The following GRID2IP variants were observed in gnomAD, a reference collection of about 807,000 sequenced individuals.
The protein encoded by GRID2IP is Grid2 interacting protein.
In GRID2IP, 78 loss-of-function variants were observed where a neutral mutation model predicts 114.3. That is an observed-to-expected ratio of 0.68 (90% CI 0.57 to 0.82). The LOEUF (loss-of-function observed/expected upper bound fraction) is 0.82, where lower values mean the gene tolerates loss of function less well. Ranked by LOEUF, GRID2IP falls within the 40% of genes least tolerant of loss-of-function variation. The probability of loss-of-function intolerance (pLI) is 0.00; values close to 1 mark genes in which losing one functional copy is unlikely to be tolerated. For missense variants in GRID2IP, 1,727 were observed against 1,678.5 expected (o/e 1.03, Z -0.51); for synonymous variants, 809 against 724.0 (o/e 1.12, Z -1.89).
Position 6,512,231 on chromosome 7 carries a change from C to CTTTTTTTTTTTT in GRID2IP, c.1424-1204_1424-1193dup, listed in dbSNP as rs1002835555. Among the ~76,000 whole-genome samples, 399 of 90,182 alleles carry CTTTTTTTTTTTT rather than the reference C, an allele frequency of 4.4e-3. 41 individuals carry two copies. The highest frequency in any genetic ancestry group is 8.2e-3 in the Middle Eastern group (1 of 122). The allele number at this position is 90,182 out of a possible 152,430, so 59.2% of individuals were successfully genotyped here. On this transcript the variant is annotated intron_variant, in intron 8 of 21. Coordinates refer to ENST00000457091, the MANE Select transcript of GRID2IP (RefSeq NM_001145118.2). Reference sequence around the variant, plus strand: ...CACACCTGCCTTTTTTTCTTTTCTTCTTTTTTTTTTTTTTTTTTGTGACAG... The same window carrying CTTTTTTTTTTTT: ...CACACCTGCCTTTTTTTCTTTTCTTCTTTTTTTTTTTTTTTTTTTTTTTTTTTTTTGTGACAG...
chr7:6,530,043 C>T (rs1346569053), intron 2 of GRID2IP, among the ~76,000 whole-genome samples: 1 of 151,776 alleles, frequency 6.6e-6, no homozygotes, highest in Non-Finnish European at 1.5e-5. Context: ...ACTGCAAGCT[C>T]CGCCTCCAGG....
chr7:6,497,712 TG>T lies in GRID2IP; in HGVS notation c.*61del. The T allele has an allele frequency of 7.7e-7, 1 of 1,293,064 alleles. No homozygotes were observed. Among genetic ancestry groups the T allele is most frequent in the South Asian group, 1.3e-5 (1 of 75,258 alleles). The allele number at this position is 1,293,064 out of a possible 1,614,324, so 80.1% of individuals were successfully genotyped here. Reference sequence around the variant, plus strand: ...AGTGGCCCCGGACCTCGGCAGTGTCTGGGCTGCCCTCTCGGCCTCCATCTCC... The same window carrying T: ...AGTGGCCCCGGACCTCGGCAGTGTCTGGCTGCCCTCTCGGCCTCCATCTCC... On this transcript the variant is annotated 3_prime_UTR_variant, in exon 22 of 22. Transcript: ENST00000457091.
In GRID2IP at chr7:6,526,420, C is replaced by A. The variant is rs1779511347; in HGVS notation, c.833+101G>T. On this transcript the variant is annotated intron_variant, in intron 3 of 21. Transcript: ENST00000457091. The surrounding 1 kb of genome is among the most constrained non-coding windows in gnomAD (Gnocchi z 7.6). ...TTAACCTCTCCGGCCCCCTATGCAC[C>A]CCAGATGCCCAGCCCCGCCCCTACG... 3 of 1,505,604 alleles carry A rather than the reference C, an allele frequency of 2.0e-6. No homozygotes were observed. Among genetic ancestry groups the A allele is most frequent in the Non-Finnish European group, 2.7e-6 (3 of 1,121,626 alleles). The allele number at this position is 1,505,604 out of a possible 1,614,324, so 93.3% of individuals were successfully genotyped here.
rs1417036869 is a variant in GRID2IP, at chr7:6,509,280, C to G, written c.1805G>C (p.Ser602Thr). Residue 602 changes from serine to threonine, a missense_variant, in exon 12 of 22, where the codon AGC becomes ACC. Ser to Thr is a moderately conservative substitution (Grantham distance 58). Transcript: ENST00000457091. This position sits in a 1 kb window ranked among gnomAD's most constrained non-coding sequence, Gnocchi z 4.9. ...PRTLSGVSWP[S>T]ERLLPSPCYH... ...GCAGGGGGAGGGCAAGAGTCGCTCG[C>G]TGGGCCATGAGACGCCGGACAGGGT... is the stretch of plus-strand genomic sequence containing the variant. 1 of 1,527,408 alleles carries G rather than the reference C, an allele frequency of 6.5e-7. No individual in the cohort carries two copies. Among genetic ancestry groups the G allele is most frequent in the Non-Finnish European group, 8.8e-7 (1 of 1,135,126 alleles). 94.6% of individuals were successfully genotyped at this position (1,527,408 alleles called of 1,614,324 possible).
At position 6,516,926 on chromosome 7, in the gene GRID2IP, C is replaced by A. The variant is rs987073102; in HGVS notation, c.1269-2397G>T. ...AGATGACTCTCACTCCATACCCTGC[C>A]CCTTTGCCTTGTACACAATAAATAA... On this transcript the variant is annotated intron_variant, in intron 7 of 21. Coordinates refer to ENST00000457091, the MANE Select transcript of GRID2IP (RefSeq NM_001145118.2). This position sits in a 1 kb window ranked among gnomAD's most constrained non-coding sequence, Gnocchi z 4.3. Among the ~76,000 whole-genome samples, 2 of 152,108 alleles carry A rather than the reference C, an allele frequency of 1.3e-5. No homozygotes were observed. Among genetic ancestry groups the A allele is most frequent in the African/African-American group, 4.8e-5 (2 of 41,422 alleles).
intron 8 of GRID2IP, among the ~76,000 whole-genome samples, chr7:6,512,519 T>A (rs1779196150): frequency 1.3e-5 from 2 of 151,910 alleles, no homozygotes; most frequent in Admixed American, 6.6e-5. Flanking sequence ...TTTTTATTTT[T>A]TTTTTCTTTG....
In GRID2IP at chr7:6,519,360, G is replaced by A. The variant is rs1039764137; in HGVS notation, c.1268+1218C>T. On this transcript the variant is annotated intron_variant, in intron 7 of 21. Coordinates refer to ENST00000457091, the MANE Select transcript of GRID2IP (RefSeq NM_001145118.2). This position sits in a 1 kb window ranked among gnomAD's most constrained non-coding sequence, Gnocchi z 4.1. ...AAGACTCTTTAGAGCCAAGTACAGT[G>A]GCTCATGCCTGTAACCGCAGCACTT... is the stretch of plus-strand genomic sequence containing the variant. Among the ~76,000 whole-genome samples, 3 of 152,204 alleles carry A rather than the reference G, an allele frequency of 2.0e-5. No homozygotes were observed. Among genetic ancestry groups the A allele is most frequent in the African/African-American group, 7.2e-5 (3 of 41,452 alleles).
chr7:6,498,749 G>C lies in GRID2IP; in HGVS notation c.3400-521C>G, dbSNP rs376152290. 1.4e-4 allele frequency among the ~76,000 whole-genome samples: 21 copies of C among 151,782 alleles called. No homozygotes were observed. In the East Asian group the frequency reaches 1.7e-3, roughly 13 times the overall value. ...CCAGAGGTTTACACCACCATACCCA[G>C]CTAATTTTTTGATTTTTAAAATAGA... is the stretch of plus-strand genomic sequence containing the variant. On this transcript the variant is annotated intron_variant, in intron 20 of 21. Coordinates refer to ENST00000457091, the MANE Select transcript of GRID2IP (RefSeq NM_001145118.2).
intron 1 of GRID2IP, 34 bp downstream of exon 1, chr7:6,550,974 C>CAG: frequency 1.8e-6 from 2 of 1,139,134 alleles, no homozygotes; most frequent in Non-Finnish European, 2.2e-6. Flanking sequence ...GAGCCCCCTC[C>CAG]TTCCCGCCCC....
chr7:6,537,271 C>G (rs1283301472), intron 2 of GRID2IP, among the ~76,000 whole-genome samples: 1 of 150,158 alleles, frequency 6.7e-6, no homozygotes, highest in African/African-American at 2.4e-5. Flanking sequence ...AGGCCGGGCA[C>G]GGTGGCTCAC....
At position 6,519,142 on chromosome 7, in the gene GRID2IP, C is replaced by A. The variant is rs1779366877; in HGVS notation, c.1268+1436G>T. On this transcript the variant is annotated intron_variant, in intron 7 of 21. Coordinates refer to ENST00000457091, the MANE Select transcript of GRID2IP (RefSeq NM_001145118.2). The surrounding 1 kb of genome is among the most constrained non-coding windows in gnomAD (Gnocchi z 4.1). ...CTGTTGCCCAGACTGGTTTTGAACT[C>A]CTGGGCTCAAGCGATCCTCCTGCCT... 6.6e-6 allele frequency among the ~76,000 whole-genome samples: 1 copy of A among 152,020 alleles called. No homozygotes were observed. Among genetic ancestry groups the A allele is most frequent in the South Asian group, 2.1e-4 (1 of 4,826 alleles).
rs1453025544 is a variant in GRID2IP, at chr7:6,506,044, G to C, written c.2545-137C>G. The C allele has an allele frequency of 1.6e-6, 1 of 634,008 alleles. No individual in the cohort carries two copies. The highest frequency in any genetic ancestry group is 2.7e-5 in the Admixed American group (1 of 37,204). 39.3% of individuals were successfully genotyped at this position (634,008 alleles called of 1,614,324 possible). A position where few individuals can be genotyped will look rare whatever the true frequency, so the allele number is the denominator to read the frequency against. ...ATCAGGTGCTGGGATAAAGCCCGGA[G>C]CAGGAGGAGACTGCAGGAGAAGCCA... On this transcript the variant is annotated intron_variant, in intron 13 of 21. Coordinates refer to ENST00000457091, the MANE Select transcript of GRID2IP (RefSeq NM_001145118.2). The surrounding 1 kb of genome is among the most constrained non-coding windows in gnomAD (Gnocchi z 5.2).
chr7:6,527,583 T>G (rs1779539242), intron 2 of GRID2IP, among the ~76,000 whole-genome samples: 1 of 152,098 alleles, frequency 6.6e-6, no homozygotes, highest in Non-Finnish European at 1.5e-5. Context: ...CTCTCTCTCT[T>G]TCTCTGTCTC....
rs1375585965 is a variant in GRID2IP at position 6,520,774 on chromosome 7, C to G, written c.1085-13G>C. On this transcript the variant is annotated splice_polypyrimidine_tract_variant and intron_variant, in intron 6 of 21. Coordinates refer to ENST00000457091, the MANE Select transcript of GRID2IP (RefSeq NM_001145118.2). The surrounding 1 kb of genome is among the most constrained non-coding windows in gnomAD (Gnocchi z 4.6). ...AGAGAATCGGAGTCTGCTGGGACCACAGGCGGGAGAGGCATGAGTGACTCA... is the reference window on the plus strand; with the variant it reads ...AGAGAATCGGAGTCTGCTGGGACCAGAGGCGGGAGAGGCATGAGTGACTCA... 2.6e-6 allele frequency: 4 copies of G among 1,545,884 alleles called. No individual in the cohort carries two copies. The highest frequency in any genetic ancestry group is 2.6e-6 in the Non-Finnish European group (3 of 1,142,780).
chr7:6,516,766 G>T lies in GRID2IP; in HGVS notation c.1269-2237C>A, dbSNP rs962624021. On this transcript the variant is annotated intron_variant, in intron 7 of 21. Transcript: ENST00000457091. The surrounding 1 kb of genome is among the most constrained non-coding windows in gnomAD (Gnocchi z 4.3). ...GATAGCAGCAGCAGAATTAGTGAAA[G>T]TACTAAAGTCTTTAAAATGCATAGA... Among the ~76,000 whole-genome samples, 19 of 152,188 alleles carry T rather than the reference G, an allele frequency of 1.2e-4. No homozygotes were observed. The highest frequency in any genetic ancestry group is 3.9e-4 in the African/African-American group (16 of 41,450).
At chr7:6,535,218 C>T (rs1041868920) in intron 2 of GRID2IP, among the ~76,000 whole-genome samples, 3 of 152,014 alleles carry the variant, frequency 2.0e-5, no homozygotes, top group Admixed American at 6.6e-5. Context: ...TTAGTAGAGG[C>T]GAGGTTTCAC....
At position 6,548,145 on chromosome 7, in the gene GRID2IP, G is replaced by C. The variant is rs144855037; in HGVS notation, c.429+2863C>G. On this transcript the variant is annotated intron_variant, in intron 1 of 21. Transcript: ENST00000457091. The stretch of plus-strand genomic sequence containing the variant: ...AGGTAGGCAGATCTCCTGAGGTCAG[G>C]AGTTCAAGACCAGCCTGGACAACAT... Among the ~76,000 whole-genome samples, 261 of 152,254 alleles carry C rather than the reference G, an allele frequency of 1.7e-3. 8 individuals are homozygous for C. Among genetic ancestry groups the C allele is most frequent in the Admixed American group, 0.014 (215 of 15,280 alleles).
intron 1 of GRID2IP, 80 bp downstream of exon 1, chr7:6,550,928 G>C (rs1005298838): frequency 5.9e-6 from 7 of 1,191,024 alleles, no homozygotes; most frequent in Non-Finnish European, 7.3e-6. Flanking sequence ...CTGGCCCTGG[G>C]AGAGCGGCGC....
In GRID2IP at chr7:6,526,607, G is replaced by A; in HGVS notation, c.747C>T (p.Ser249=). The A allele has an allele frequency of 8.3e-7, 1 of 1,199,408 alleles. No homozygotes were observed. Among genetic ancestry groups the A allele is most frequent in the East Asian group, 3.6e-5 (1 of 28,166 alleles). 74.3% of individuals were successfully genotyped at this position (1,199,408 alleles called of 1,614,324 possible). ...PERLLVSTRA[S]APPRRPDEPP... is the part of the protein sequence containing the mutation. The stretch of plus-strand genomic sequence containing the variant: ...GCTCATCGGGGCGGCGCGGCGGGGC[G>A]CTGGCGCGCGTGGACACCAGGAGGC... The change falls in exon 3 of 22, where the codon AGC becomes AGT. Residue 249 remains serine (S), a synonymous_variant. Coordinates refer to ENST00000457091, the MANE Select transcript of GRID2IP (RefSeq NM_001145118.2). This position sits in a 1 kb window ranked among gnomAD's most constrained non-coding sequence, Gnocchi z 7.6.
Sources: allele counts gnomAD v4.1 joint callset (sites outside exome capture counted in the v4.1 genomes callset), GRCh38; gene constraint gnomAD v4.1.1; non-coding constraint Gnocchi (gnomAD v3.1); transcripts MANE v1.5; gene names NCBI Gene and HGNC (gene_info 2026-07-23, HGNC 2026-07-21).